ABCA1: variants seen among roughly 807,000 people sequenced by gnomAD.
ABCA1 encodes the protein phospholipid-transporting ATPase ABCA1.
Under a neutral mutation model 262.5 loss-of-function variants are expected in ABCA1, and 133 were observed. The ratio of observed to expected loss-of-function variants is 0.51; its 90% CI spans 0.44 to 0.59. The LOEUF (loss-of-function observed/expected upper bound fraction) is 0.59. Among genes scored for constraint, ABCA1 ranks in the 20% least tolerant of loss-of-function variants. ABCA1 has a pLI of 0.00. For synonymous variants in ABCA1, 1,022 were observed against 1,043.5 expected, an observed-to-expected ratio of 0.98 and a Z score of 0.40; for missense variants, 2,452 against 2,777.5, an observed-to-expected ratio of 0.88 and a Z score of 2.63.
rs778130619 is a variant in ABCA1, at chr9:104,858,578, G to A, written c.664C>T (p.Leu222=). The change falls in exon 7 of 50, where the codon CTG becomes TTG. Residue 222 remains leucine, a synonymous_variant. Transcript: ENST00000374736. ...SELCGLPREK[L]AAAERVLRSN... Reference sequence around the variant, plus strand: ...CGAAGTACTCGCTCTGCTGCAGCCAGTTTCTCCCTTGGTAGGCCACAAAGC... The same window carrying A: ...CGAAGTACTCGCTCTGCTGCAGCCAATTTCTCCCTTGGTAGGCCACAAAGC... The A allele has an allele frequency of 4.6e-5, 75 of 1,614,058 alleles. No individual in the cohort carries two copies. The highest frequency in any genetic ancestry group is 1.6e-4 in the Middle Eastern group (1 of 6,078).
chr9:104,882,057 A>AAAAAAAAAAAAAAAAAAAAAAAAAAAAC (rs1838725778), intron 5 of ABCA1, among the ~76,000 whole-genome samples: 1 of 137,144 alleles, frequency 7.3e-6, no homozygotes, highest in East Asian at 2.2e-4. Flanking sequence ...AAAAAAAAAA[A>AAAAAAAAAAAAAAAAAAAAAAAAAAAAC]CTCAAATCTG....
intron 5 of ABCA1, among the ~76,000 whole-genome samples, chr9:104,867,740 G>GGAATGA (rs1196628407): frequency 6.6e-6 from 1 of 152,158 alleles, no homozygotes; most frequent in African/African-American, 2.4e-5. Flanking sequence ...ATATCCACCA[G>GGAATGA]TCACTGCAAG....
rs1255574007 is a variant in ABCA1 at position 104,812,706 on chromosome 9, G to A, written c.3918C>T (p.Asp1306=). The A allele has an allele frequency of 6.2e-7, 1 of 1,614,230 alleles. No homozygotes were observed. Among genetic ancestry groups the A allele is most frequent in the South Asian group, 1.1e-5 (1 of 91,088 alleles). The change falls in exon 28 of 50, where the codon GAC becomes GAT. Residue 1306 remains aspartate (D), a synonymous_variant. Transcript: ENST00000374736. ...SDIDPESRET[D]LLSGMDGKGS... is the part of the protein sequence containing the mutation. The stretch of plus-strand genomic sequence containing the variant: ...CTTTGCCATCCATCCCACTGAGCAA[G>A]TCTGTCTCTCTGGATTCTGCAAGAA...
chr9:104,817,604 C>T lies in ABCA1; in HGVS notation c.3463-200G>A, dbSNP rs1207350507. The stretch of plus-strand genomic sequence containing the variant: ...GTGTGCCGTGTGAACAGCCTCGCTT[C>T]CTGAGGGTGAAAGGTCAGGAAGCAG... On this transcript the variant is annotated intron_variant, in intron 23 of 49. Coordinates refer to ENST00000374736, the MANE Select transcript of ABCA1 (RefSeq NM_005502.4). This position sits in a 1 kb window ranked among gnomAD's most constrained non-coding sequence, Gnocchi z 4.7. 6.6e-6 allele frequency among the ~76,000 whole-genome samples: 1 copy of T among 152,228 alleles called. No homozygotes were observed. The highest frequency in any genetic ancestry group is 2.4e-5 in the African/African-American group (1 of 41,468).
rs184606905 is a variant in ABCA1 at position 104,824,070 on chromosome 9, C to T, written c.2656+395G>A. On this transcript the variant is annotated intron_variant, in intron 18 of 49. Transcript: ENST00000374736. ...CTGAGCTCTGTGGTAGCCACTTGGT[C>T]TCAGCCCACACAGGCTGATACACAG... Among the ~76,000 whole-genome samples, 24 of 152,314 alleles carry T rather than the reference C, an allele frequency of 1.6e-4. No homozygotes were observed. In the East Asian group the frequency reaches 3.7e-3, roughly 23 times the overall value.
intron 36 of ABCA1, 105 bp downstream of exon 36, chr9:104,799,714 C>T (rs559960804): frequency 4.0e-5 from 64 of 1,605,568 alleles, no homozygotes; most frequent in Middle Eastern, 3.7e-4. Context: ...CATAATATAA[C>T]GGTCTCTGCA....
At chr9:104,915,895 C>T (rs1218190581) in intron 1 of ABCA1, among the ~76,000 whole-genome samples, 2 of 152,076 alleles carry the variant, frequency 1.3e-5, no homozygotes, top group East Asian at 1.9e-4. Context: ...TGTCCCAAAA[C>T]GGAGTGCCAT....
chr9:104,888,783 G>A (rs1588514794), intron 3 of ABCA1, among the ~76,000 whole-genome samples: 1 of 152,208 alleles, frequency 6.6e-6, no homozygotes, highest in East Asian at 1.9e-4. Flanking sequence ...AAGACTAGGT[G>A]TTAAGGCATT....
intron 7 of ABCA1, among the ~76,000 whole-genome samples, chr9:104,853,836 G>A (rs1835596638): frequency 6.6e-6 from 1 of 152,140 alleles, no homozygotes; most frequent in African/African-American, 2.4e-5. Flanking sequence ...TCAAATATAT[G>A]ATAAACTATT....
rs1277545587 is a variant in ABCA1 at position 104,783,126 on chromosome 9, G to A, written c.*1189C>T. 5 of 152,174 alleles carry A rather than the reference G, an allele frequency of 3.3e-5. No homozygotes were observed. Among genetic ancestry groups the A allele is most frequent in the Admixed American group, 6.5e-5 (1 of 15,276 alleles). The allele number at this position is 152,174 out of a possible 1,614,324, so 9.4% of individuals were successfully genotyped here. On this transcript the variant is annotated 3_prime_UTR_variant, in exon 50 of 50. Transcript: ENST00000374736. Reference sequence around the variant, plus strand: ...ATCCTGACCATCACATTGCTTTCTAGGCACTAGTCATGACTGATATGCAAA... The same window carrying A: ...ATCCTGACCATCACATTGCTTTCTAAGCACTAGTCATGACTGATATGCAAA...
intron 5 of ABCA1, among the ~76,000 whole-genome samples, chr9:104,869,982 G>A (rs1837458024): frequency 6.6e-6 from 1 of 152,086 alleles, no homozygotes; most frequent in Non-Finnish European, 1.5e-5. Context: ...CATACTCCTT[G>A]AGAAAATACA....
At chr9:104,870,309 C>T (rs929092407) in intron 5 of ABCA1, among the ~76,000 whole-genome samples, 1 of 152,202 alleles carries the variant, frequency 6.6e-6, no homozygotes, top group Non-Finnish European at 1.5e-5. Context: ...CAGGAGCTAG[C>T]CTATAACAAA....
chr9:104,785,840 T>C (rs1406556615), intron 48 of ABCA1, among the ~76,000 whole-genome samples: 1 of 152,214 alleles, frequency 6.6e-6, no homozygotes, highest in Non-Finnish European at 1.5e-5. Flanking sequence ...TGTAAATACA[T>C]GATCTCCTTT....
At chr9:104,874,324 C>T (rs1347949128) in intron 5 of ABCA1, among the ~76,000 whole-genome samples, 1 of 152,134 alleles carries the variant, frequency 6.6e-6, no homozygotes, top group Non-Finnish European at 1.5e-5. Context: ...GTCAAGAGTT[C>T]AACATGGCAA....
intron 37 of ABCA1, among the ~76,000 whole-genome samples, chr9:104,797,726 T>C (rs577044571): frequency 7.2e-5 from 11 of 152,344 alleles, no homozygotes; most frequent in African/African-American, 2.6e-4. Flanking sequence ...TTACAAGGTG[T>C]ATTCTCATAT....
intron 1 of ABCA1, among the ~76,000 whole-genome samples, chr9:104,923,849 G>C (rs1234046832): frequency 6.6e-6 from 1 of 152,144 alleles, no homozygotes; most frequent in Non-Finnish European, 1.5e-5. Context: ...AGACCAGTCT[G>C]AGCAAGATAG....
chr9:104,883,302 C>A, intron 4 of ABCA1, 145 bp from the exon 5 acceptor site: 1 of 733,754 alleles, frequency 1.4e-6, no homozygotes, highest in South Asian at 1.4e-5. Context: ...CATGGCTCCC[C>A]ACACCCAGCT....
At chr9:104,902,789 A>G (rs1055011117) in intron 2 of ABCA1, among the ~76,000 whole-genome samples, 1 of 152,200 alleles carries the variant, frequency 6.6e-6, no homozygotes, top group African/African-American at 2.4e-5. Flanking sequence ...AATCTCAGAA[A>G]GATGATCATT....
intron 1 of ABCA1, among the ~76,000 whole-genome samples, chr9:104,917,590 C>T (rs1457629321): frequency 6.6e-6 from 1 of 151,668 alleles, no homozygotes; most frequent in Non-Finnish European, 1.5e-5. Flanking sequence ...CCCATCTCTG[C>T]TAAAAATACA....
Sources: allele counts gnomAD v4.1 joint callset (sites outside exome capture counted in the v4.1 genomes callset), GRCh38; gene constraint gnomAD v4.1.1; non-coding constraint Gnocchi (gnomAD v3.1); transcripts MANE v1.5; gene names NCBI Gene and HGNC (gene_info 2026-07-23, HGNC 2026-07-21).